PHC2: variants seen among roughly 807,000 people sequenced by gnomAD.
PHC2 encodes polyhomeotic-like protein 2.
PHC2 carries 29 observed loss-of-function variants against 87.4 expected under a neutral mutation model. That is an observed-to-expected ratio of 0.33 (90% CI 0.25 to 0.45). The LOEUF is 0.45. PHC2 is among the 20% of genes least tolerant of loss of function. The pLI, the probability that PHC2 is intolerant of heterozygous loss-of-function variation, is 1.00. For synonymous variants in PHC2, 438 were observed against 461.7 expected (o/e 0.95, Z 0.66); for missense variants, 857 against 1,136.7 (o/e 0.75, Z 3.54).
Position 33,349,416 on chromosome 1 carries a change from A to G in PHC2, c.1558+4985T>C, listed in dbSNP as rs1429473847. 2 of 984,916 alleles carry G rather than the reference A, an allele frequency of 2.0e-6. No individual in the cohort carries two copies. Among genetic ancestry groups the G allele is most frequent in the Non-Finnish European group, 2.4e-6 (2 of 829,818 alleles). The allele number at this position is 984,916 out of a possible 1,614,324, so 61.0% of individuals were successfully genotyped here. A position where few individuals can be genotyped will look rare whatever the true frequency, so the allele number is the denominator to read the frequency against. On this transcript the variant is annotated intron_variant, in intron 9 of 14. Coordinates refer to ENST00000683057, the MANE Select transcript of PHC2 (RefSeq NM_001385109.1). The surrounding 1 kb of genome is among the most constrained non-coding windows in gnomAD (Gnocchi z 4.2). ...GGCGCGCAGGGTCCCCAGGCGAGCG[A>G]GGCTGGGGAGCAGGGCACCTCCCAG... is the stretch of plus-strand genomic sequence containing the variant.
chr1:33,397,184 T>C (rs879340016), intron 1 of PHC2, among the ~76,000 whole-genome samples: 1 of 152,132 alleles, frequency 6.6e-6, no homozygotes, highest in African/African-American at 2.4e-5. Flanking sequence ...AGCAGCACCA[T>C]CACCAGGCAC....
At chr1:33,328,108 A>C (rs1035999266) in intron 14 of PHC2, among the ~76,000 whole-genome samples, 1 of 152,196 alleles carries the variant, frequency 6.6e-6, no homozygotes, top group African/African-American at 2.4e-5. Context: ...TGGTCGGTGT[A>C]TGAGTGAGAC....
intron 1 of PHC2, among the ~76,000 whole-genome samples, chr1:33,386,870 CAT>C (rs773033733): frequency 6.6e-6 from 1 of 152,194 alleles, no homozygotes; most frequent in Non-Finnish European, 1.5e-5. Flanking sequence ...ACACAGCACA[CAT>C]GTGCATGTGC....
chr1:33,348,210 C>T (rs932751726), intron 9 of PHC2, among the ~76,000 whole-genome samples: 3 of 152,176 alleles, frequency 2.0e-5, no homozygotes, highest in African/African-American at 7.2e-5. Flanking sequence ...GCCCTACATC[C>T]CTTGTGACCT....
intron 1 of PHC2, among the ~76,000 whole-genome samples, chr1:33,397,018 C>G (rs1002628964): frequency 2.0e-5 from 3 of 152,210 alleles, no homozygotes; most frequent in Non-Finnish European, 4.4e-5. Flanking sequence ...AAGGCCTGCT[C>G]TGCCTCTTAC....
intron 1 of PHC2, among the ~76,000 whole-genome samples, chr1:33,393,463 G>GTTTTTTT (rs36030279): frequency 1.1e-4 from 15 of 131,048 alleles, no homozygotes; most frequent in Non-Finnish European, 1.3e-4. Context: ...TTTTCAAGAG[G>GTTTTTTT]TTTTTTTTTT....
intron 1 of PHC2, among the ~76,000 whole-genome samples, chr1:33,380,751 C>A (rs1005100254): frequency 4.6e-5 from 7 of 152,220 alleles, no homozygotes; most frequent in African/African-American, 1.7e-4. Flanking sequence ...TTTGTCCCTG[C>A]ATCATGTGTT....
rs72881940 is a variant in PHC2 at position 33,414,116 on chromosome 1, A to G, written c.-55+16860T>C. ...ATGAAGATTAAAATGCCTGGCATAT[A>G]TAAGATACTAAATAAATAAGTGCCC... On this transcript the variant is annotated intron_variant, in intron 1 of 14. Transcript: ENST00000683057. Among the ~76,000 whole-genome samples the G allele has an allele frequency of 8.8e-3, 1,336 of 152,204 alleles. 13 individuals are homozygous for G. The highest frequency in any genetic ancestry group is 0.03 in the African/African-American group (1,253 of 41,530).
intron 1 of PHC2, among the ~76,000 whole-genome samples, chr1:33,415,018 T>C (rs1650146241): frequency 6.6e-6 from 1 of 152,174 alleles, no homozygotes; most frequent in Non-Finnish European, 1.5e-5. Context: ...AGGCCTGTGA[T>C]CGCTAAGAAA....
chr1:33,371,733 C>A (rs58107686), intron 3 of PHC2, among the ~76,000 whole-genome samples: 42,724 of 152,108 alleles, frequency 0.28, 6,817 homozygotes, highest in Admixed American at 0.44. Context: ...TCTTTCATGG[C>A]GCTTATTGTA....
At chr1:33,429,830 T>C (rs1570519932) in intron 1 of PHC2, among the ~76,000 whole-genome samples, 1 of 152,250 alleles carries the variant, frequency 6.6e-6, no homozygotes, top group South Asian at 2.1e-4. Flanking sequence ...TACTTTTCAA[T>C]TGTAACCGCA....
chr1:33,387,462 G>T (rs1044399185), intron 1 of PHC2, among the ~76,000 whole-genome samples: 1 of 152,162 alleles, frequency 6.6e-6, no homozygotes. Context: ...CATCACAAGG[G>T]CCTTAATTAG....
At chr1:33,367,609 A>T (rs185861601) in intron 6 of PHC2, among the ~76,000 whole-genome samples, 181 bp from the exon 7 acceptor site, 12,110 of 152,116 alleles carry the variant, frequency 0.08, 658 homozygotes, top group Non-Finnish European at 0.12. Context: ...GTTGCTAAAG[A>T]GGGCCAGAGG....
At chr1:33,327,329 C>T (rs1466198057) in intron 14 of PHC2, among the ~76,000 whole-genome samples, 1 of 152,124 alleles carries the variant, frequency 6.6e-6, no homozygotes, top group Non-Finnish European at 1.5e-5. Flanking sequence ...AGAACTGGAC[C>T]CCAGGAGCCT....
At chr1:33,393,482 T>TC (rs60321567) in intron 1 of PHC2, among the ~76,000 whole-genome samples, 5 of 150,314 alleles carry the variant, frequency 3.3e-5, no homozygotes, top group South Asian at 2.1e-4. Context: ...TTTTTTTTTT[T>TC]CTTCCAACAA....
chr1:33,394,459 G>C (rs1020593976), intron 1 of PHC2, among the ~76,000 whole-genome samples: 1 of 152,178 alleles, frequency 6.6e-6, no homozygotes, highest in Non-Finnish European at 1.5e-5. Context: ...CTGCAAATCA[G>C]AACCACAGCA....
At position 33,367,320 on chromosome 1, in the gene PHC2, C is replaced by T. The variant is rs750575593; in HGVS notation, c.772G>A (p.Gly258Ser). Reference protein sequence around the residue: ...PSLALKPTPGGSQPLPTPAQS... With the variant: ...PSLALKPTPGSSQPLPTPAQS... ...GCTGGGGTAGGCAGAGGCTGGCTACCGCCCGGCGTGGGTTTCAGGGCCAAG... is the reference window on the plus strand; with the variant it reads ...GCTGGGGTAGGCAGAGGCTGGCTACTGCCCGGCGTGGGTTTCAGGGCCAAG... The change falls in exon 7 of 15, where the codon GGT (glycine) becomes AGT (serine). Residue 258 changes from glycine to serine, a missense_variant. Physicochemically the swap from Gly to Ser is moderately conservative, Grantham distance 56 (BLOSUM62 0). Around this residue, in one of 3 missense-constraint regions of PHC2, gnomAD observed 832 missense variants for 1,081.8 expected, o/e 0.77. Transcript: ENST00000683057. The T allele has an allele frequency of 2.1e-5, 34 of 1,613,398 alleles. No homozygotes were observed. Among genetic ancestry groups the T allele is most frequent in the South Asian group, 1.4e-4 (13 of 91,054 alleles).
chr1:33,352,301 C>T (rs1363410460), intron 9 of PHC2, among the ~76,000 whole-genome samples: 1 of 152,146 alleles, frequency 6.6e-6, no homozygotes, highest in Non-Finnish European at 1.5e-5. Flanking sequence ...ATATAATTTA[C>T]AGGTGGCAAA....
At chr1:33,327,272 T>G (rs1378233780) in intron 14 of PHC2, among the ~76,000 whole-genome samples, 1 of 152,128 alleles carries the variant, frequency 6.6e-6, no homozygotes, top group Non-Finnish European at 1.5e-5. Context: ...GCAGATAGCC[T>G]CTCTCTCTAG....
Sources: gnomAD v4.1 joint callset for allele counts (sites outside exome capture counted in the v4.1 genomes callset) on GRCh38, gnomAD v4.1.1 for gene constraint, gnomAD v4.1.1 regional missense constraint, Gnocchi (gnomAD v3.1) non-coding constraint, MANE v1.5 for transcripts, NCBI Gene and HGNC (gene_info 2026-07-23, HGNC 2026-07-21) for gene names.